KANK4: variants seen among roughly 807,000 people sequenced by gnomAD.
KANK4 encodes KN motif and ankyrin repeat domains 4, also known as KN motif and ankyrin repeat domain-containing protein 4.
In KANK4, 50 loss-of-function variants were observed where a neutral mutation model predicts 80.8. The observed-to-expected ratio is 0.62, with a 90% confidence interval of 0.49 to 0.78. The LOEUF is 0.78. Among genes scored for constraint, KANK4 ranks in the 30% least tolerant of loss-of-function variants. The pLI, the probability that KANK4 is intolerant of heterozygous loss-of-function variation, is 0.00. For missense variants in KANK4, 1,196 were observed against 1,240.1 expected (o/e 0.96, Z 0.53); for synonymous variants, 465 against 506.9 (o/e 0.92, Z 1.11).
In KANK4 at chr1:62,313,260, G is replaced by A. The variant is rs538453997; in HGVS notation, c.-71+5846C>T. 3.9e-5 allele frequency among the ~76,000 whole-genome samples: 6 copies of A among 152,250 alleles called. No homozygotes were observed. The East Asian group carries it at 1.2e-3, about 29-fold the overall frequency. ...TCCATGGTTTTAGGCATCCACAGAG[G>A]GTCCTGGAATGTATCTCCCATGGGA... On this transcript the variant is annotated intron_variant, in intron 1 of 9. Coordinates refer to ENST00000371153, the MANE Select transcript of KANK4 (RefSeq NM_181712.5).
chr1:62,305,308 GA>G (rs895219793), intron 1 of KANK4, among the ~76,000 whole-genome samples: 5 of 131,578 alleles, frequency 3.8e-5, no homozygotes, highest in African/African-American at 8.7e-5. Context: ...AATTGCTTGA[GA>G]TTTTTTTTTT....
rs1377971663 is a variant in KANK4 at position 62,274,298 on chromosome 1, T to C, written c.806A>G (p.Asn269Ser). 6.2e-7 allele frequency: 1 copy of C among 1,613,996 alleles called. No individual in the cohort carries two copies. The highest frequency in any genetic ancestry group is 1.7e-5 in the Admixed American group (1 of 60,000). Reference sequence around the variant, plus strand: ...GAACAACACCTCTGCTTCTCTGGCATTGTGTTCATCTTCCTTGTCCTCTAG... The same window carrying C: ...GAACAACACCTCTGCTTCTCTGGCACTGTGTTCATCTTCCTTGTCCTCTAG... ...VVLEDKEDEH[N>S]AREAEVLFTP... Residue 269 changes from asparagine (N) to serine (S), a missense_variant, in exon 3 of 10, where the codon AAT (asparagine) becomes AGT (serine). Asn to Ser is a conservative substitution (Grantham distance 46). Coordinates refer to ENST00000371153, the MANE Select transcript of KANK4 (RefSeq NM_181712.5).
chr1:62,274,239 G>C lies in KANK4; in HGVS notation c.865C>G (p.Leu289Val). The C allele has an allele frequency of 6.2e-7, 1 of 1,614,122 alleles. No individual in the cohort carries two copies. Among genetic ancestry groups the C allele is most frequent in the Non-Finnish European group, 8.5e-7 (1 of 1,179,990 alleles). ...PGSPTPSPPP[L>V]PSPIPENELL... ...TCATTCTCAGGGATGGGTGATGGCA[G>C]AGGTGGCGGGCTTGGCGTAGGGGAG... The change falls in exon 3 of 10, where the codon CTG becomes GTG. Residue 289 changes from leucine to valine, a missense_variant. Coordinates refer to ENST00000371153, the MANE Select transcript of KANK4 (RefSeq NM_181712.5).
chr1:62,299,220 G>A (rs533121441), intron 1 of KANK4, among the ~76,000 whole-genome samples: 12 of 152,164 alleles, frequency 7.9e-5, no homozygotes, highest in African/African-American at 2.9e-4. Context: ...ATGATGCCTG[G>A]CTAATTTTTA....
intron 9 of KANK4, among the ~76,000 whole-genome samples, chr1:62,245,535 T>C (rs1332062905): frequency 6.6e-6 from 1 of 152,196 alleles, no homozygotes; most frequent in African/African-American, 2.4e-5. Context: ...GAATTGTGGC[T>C]GTTAAGAAAG....
chr1:62,313,550 T>A (rs1644514242), intron 1 of KANK4, among the ~76,000 whole-genome samples: 1 of 152,214 alleles, frequency 6.6e-6, no homozygotes, highest in Non-Finnish European at 1.5e-5. Flanking sequence ...CTTTTGTTAT[T>A]ATTTTTTATT....
At position 62,271,421 on chromosome 1, in the gene KANK4, G is replaced by A. The variant is rs1307189233; in HGVS notation, c.2012+57C>T. Reference sequence around the variant, plus strand: ...CCCCCTAGGAAAAGAGAGTGCAAAGGACAATAGCAGGAGAGGTAGCAAGAA... The same window carrying A: ...CCCCCTAGGAAAAGAGAGTGCAAAGAACAATAGCAGGAGAGGTAGCAAGAA... On this transcript the variant is annotated intron_variant, in intron 4 of 9. Coordinates refer to ENST00000371153, the MANE Select transcript of KANK4 (RefSeq NM_181712.5). 2.6e-6 allele frequency: 3 copies of A among 1,148,536 alleles called. No homozygotes were observed. The African/African-American group carries it at 4.6e-5, about 18-fold the overall frequency. 71.1% of individuals were successfully genotyped at this position (1,148,536 alleles called of 1,614,324 possible). A position where few individuals can be genotyped will look rare whatever the true frequency, so the allele number is the denominator to read the frequency against.
At chr1:62,252,112 C>T (rs1468434754) in intron 8 of KANK4, among the ~76,000 whole-genome samples, 1 of 152,042 alleles carries the variant, frequency 6.6e-6, no homozygotes, top group African/African-American at 2.4e-5. Context: ...CACTGGAGGT[C>T]CTGGAGCTGG....
At chr1:62,255,162 G>T (rs1671722190) in intron 7 of KANK4, among the ~76,000 whole-genome samples, 1 of 152,088 alleles carries the variant, frequency 6.6e-6, no homozygotes, top group African/African-American at 2.4e-5. Flanking sequence ...TGGGATTACA[G>T]GCATGAGCCA....
intron 9 of KANK4, among the ~76,000 whole-genome samples, chr1:62,239,022 T>G (rs1384037949): frequency 6.6e-6 from 1 of 152,066 alleles, no homozygotes; most frequent in Non-Finnish European, 1.5e-5. Flanking sequence ...CATTTTGGTG[T>G]GTTTTCCTCC....
chr1:62,262,334 A>G (rs1287243135), intron 7 of KANK4, among the ~76,000 whole-genome samples: 3 of 152,218 alleles, frequency 2.0e-5, no homozygotes, highest in Admixed American at 6.5e-5. Flanking sequence ...GCTGTGAAGA[A>G]CAAATGAGGC....
At chr1:62,247,274 G>T (rs980752432) in intron 9 of KANK4, among the ~76,000 whole-genome samples, 198 bp downstream of exon 9, 1 of 151,626 alleles carries the variant, frequency 6.6e-6, no homozygotes, top group African/African-American at 2.4e-5. Flanking sequence ...GGCCGGCAAG[G>T]CACTCTGAGG....
At chr1:62,268,578 G>T in intron 4 of KANK4, 73 bp from the exon 5 acceptor site, 1 of 1,247,372 alleles carries the variant, frequency 8.0e-7, no homozygotes, top group Non-Finnish European at 1.2e-6. Context: ...GTGAGAGCTG[G>T]GTGGGCCTCG....
intron 7 of KANK4, among the ~76,000 whole-genome samples, chr1:62,261,098 G>A (rs983906770): frequency 5.3e-5 from 8 of 151,040 alleles, no homozygotes; most frequent in African/African-American, 1.7e-4. Context: ...AACCATCCAG[G>A]CTTGACAGAG....
rs781772189 is a variant in KANK4 at position 62,274,637 on chromosome 1, C to G, written c.467G>C (p.Arg156Pro). The G allele has an allele frequency of 6.2e-7, 1 of 1,614,174 alleles. No individual in the cohort carries two copies. The part of the protein sequence containing the change: ...EDAELTFGSG[R>P]PQLLRASSMP... ...GCTGGATGCTCTCAAGAGCTGGGGC[C>G]GTCCACTCCCAAAAGTGAGCTCGGC... The change falls in exon 3 of 10, where the codon CGG becomes CCG. Residue 156 changes from arginine to proline, a missense_variant. By Grantham distance (103) the Arg-to-Pro change is moderately radical. Coordinates refer to ENST00000371153, the MANE Select transcript of KANK4 (RefSeq NM_181712.5).
intron 7 of KANK4, among the ~76,000 whole-genome samples, chr1:62,255,558 C>T (rs990606487): frequency 3.3e-5 from 5 of 152,166 alleles, no homozygotes; most frequent in African/African-American, 1.2e-4. Context: ...AACAATTACA[C>T]TTAATCAAGT....
intron 8 of KANK4, among the ~76,000 whole-genome samples, chr1:62,250,592 C>T (rs2457810): frequency 0.73 from 111,089 of 152,024 alleles, 40,882 homozygotes; most frequent in East Asian, 0.84. Context: ...TCTCACCCCT[C>T]CTTTGGTGAC....
chr1:62,271,643 T>C, intron 3 of KANK4, 54 bp from the exon 4 acceptor site: 5 of 1,331,950 alleles, frequency 3.8e-6, no homozygotes, highest in Non-Finnish European at 5.4e-6. Flanking sequence ...CATGGGAATG[T>C]AGCAAAACCA....
chr1:62,243,734 C>A (rs1215066448), intron 9 of KANK4, among the ~76,000 whole-genome samples: 2 of 152,096 alleles, frequency 1.3e-5, no homozygotes, highest in Non-Finnish European at 2.9e-5. Context: ...ATTTGCTCAC[C>A]CACTTGTGAC....
Sources: allele counts gnomAD v4.1 joint callset (sites outside exome capture counted in the v4.1 genomes callset), GRCh38; gene constraint gnomAD v4.1.1; transcripts MANE v1.5; gene names NCBI Gene and HGNC (gene_info 2026-07-23, HGNC 2026-07-21).